FAF1: variants seen among roughly 807,000 people sequenced by gnomAD.
FAF1 encodes the protein Fas associated factor 1.
A neutral mutation model predicts 92.5 loss-of-function variants in FAF1; 25 were observed. The observed-to-expected ratio is 0.27, with a 90% confidence interval of 0.20 to 0.38. The LOEUF (loss-of-function observed/expected upper bound fraction) is 0.38. Ranked by LOEUF, FAF1 falls within the 10% of genes least tolerant of loss-of-function variation. The probability of loss-of-function intolerance (pLI) is 1.00; values close to 1 mark genes in which losing one functional copy is unlikely to be tolerated. For synonymous variants in FAF1, 234 were observed against 273.2 expected, an observed-to-expected ratio of 0.86 and a Z score of 1.42; for missense variants, 636 against 793.3, an observed-to-expected ratio of 0.80 and a Z score of 2.38.
At chr1:50,816,280 C>G (rs1159022561) in intron 2 of FAF1, among the ~76,000 whole-genome samples, 2 of 148,364 alleles carry the variant, frequency 1.3e-5, no homozygotes, top group Non-Finnish European at 3.0e-5. Context: ...TCTCGGCTCA[C>G]TGCAAGCTCC....
chr1:50,908,785 G>A lies in FAF1; in HGVS notation c.46-50788C>T, dbSNP rs574425072. On this transcript the variant is annotated intron_variant, in intron 1 of 18. Coordinates refer to ENST00000396153, the MANE Select transcript of FAF1 (RefSeq NM_007051.3). Reference sequence around the variant, plus strand: ...ATGTGTGTCTCTGCACATGAGATGGGTTTCCTGAATACAGCACACTGATGG... The same window carrying A: ...ATGTGTGTCTCTGCACATGAGATGGATTTCCTGAATACAGCACACTGATGG... 3.9e-5 allele frequency among the ~76,000 whole-genome samples: 6 copies of A among 152,072 alleles called. No individual in the cohort carries two copies. In the South Asian group the frequency reaches 1.2e-3, roughly 32 times the overall value.
At chr1:50,777,934 C>G (rs968846103) in intron 4 of FAF1, among the ~76,000 whole-genome samples, 1 of 152,124 alleles carries the variant, frequency 6.6e-6, no homozygotes, top group Non-Finnish European at 1.5e-5. Flanking sequence ...TATATCTTCA[C>G]GCTATGATTC....
chr1:50,705,041 T>G (rs1168895862), intron 7 of FAF1, among the ~76,000 whole-genome samples: 12 of 152,362 alleles, frequency 7.9e-5, no homozygotes, highest in African/African-American at 2.9e-4. Flanking sequence ...GACAAATGAC[T>G]GTTGCTTTCA....
At chr1:50,876,886 A>G (rs1170837642) in intron 1 of FAF1, among the ~76,000 whole-genome samples, 1 of 152,178 alleles carries the variant, frequency 6.6e-6, no homozygotes, top group African/African-American at 2.4e-5. Context: ...ACCCAGCCAA[A>G]AGCTAAAACA....
At chr1:50,671,842 G>A (rs966981425) in intron 7 of FAF1, among the ~76,000 whole-genome samples, 4 of 150,894 alleles carry the variant, frequency 2.7e-5, no homozygotes, top group Admixed American at 1.3e-4. Flanking sequence ...GGGTCTGGCT[G>A]TGTCACCCAG....
At chr1:50,786,671 G>T (rs902253600) in intron 4 of FAF1, among the ~76,000 whole-genome samples, 4 of 152,174 alleles carry the variant, frequency 2.6e-5, no homozygotes, top group African/African-American at 9.7e-5. Flanking sequence ...TTATCTAGAA[G>T]AATAATCTAC....
At position 50,705,818 on chromosome 1, in the gene FAF1, G is replaced by C. The variant is rs764778401; in HGVS notation, c.625C>G (p.Leu209Val). 9 of 1,611,030 alleles carry C rather than the reference G, an allele frequency of 5.6e-6. No individual in the cohort carries two copies. Among genetic ancestry groups the C allele is most frequent in the Non-Finnish European group, 7.6e-6 (9 of 1,177,538 alleles). Residue 209 changes from leucine to valine, a missense_variant, in exon 7 of 19, where the codon CTG becomes GTG. Physicochemically the swap from Leu to Val is conservative, Grantham distance 32. Around this residue, in one of 2 missense-constraint regions of FAF1, gnomAD observed 317 missense variants for 342.4 expected, o/e 0.93. Coordinates refer to ENST00000396153, the MANE Select transcript of FAF1 (RefSeq NM_007051.3). ...THREVQREYN[L>V]NFSGSSTIQE... is the part of the protein sequence containing the mutation. The stretch of plus-strand genomic sequence containing the variant: ...ATAGTACTGCTTCCTGAGAAGTTCA[G>C]GTTGTACTCCCGCTGGACTTCTCGG...
chr1:50,726,250 A>C (rs1208619499), intron 6 of FAF1, among the ~76,000 whole-genome samples: 2 of 151,642 alleles, frequency 1.3e-5, no homozygotes, highest in African/African-American at 4.8e-5. Context: ...AGCAAGACTC[A>C]ATCTCAAAAA....
At chr1:50,780,166 T>C (rs1382489190) in intron 4 of FAF1, among the ~76,000 whole-genome samples, 1 of 152,120 alleles carries the variant, frequency 6.6e-6, no homozygotes, top group Non-Finnish European at 1.5e-5. Flanking sequence ...AGTAGGTGAA[T>C]GGATATAAAA....
chr1:50,785,132 CAAAAAA>C (rs748061344), intron 4 of FAF1, among the ~76,000 whole-genome samples: 2 of 59,130 alleles, frequency 3.4e-5, no homozygotes, highest in Non-Finnish European at 6.5e-5. Flanking sequence ...GACCCTATCT[CAAAAAA>C]AAAAAAAAAA....
intron 2 of FAF1, among the ~76,000 whole-genome samples, chr1:50,831,131 A>T (rs1353135690): frequency 6.6e-6 from 1 of 151,882 alleles, no homozygotes; most frequent in African/African-American, 2.4e-5. Context: ...TAGACAAAGC[A>T]GGGATTTTTT....
intron 3 of FAF1, among the ~76,000 whole-genome samples, chr1:50,799,764 C>T (rs759214533): frequency 2.0e-5 from 3 of 152,132 alleles, no homozygotes; most frequent in Non-Finnish European, 4.4e-5. Context: ...TGCATATATT[C>T]GACTTTATTA....
intron 18 of FAF1, among the ~76,000 whole-genome samples, chr1:50,469,072 T>C (rs1016104810): frequency 6.6e-6 from 1 of 152,230 alleles, no homozygotes; most frequent in African/African-American, 2.4e-5. Flanking sequence ...AGCTGTATTA[T>C]TCTTTTAAAC....
chr1:50,798,932 T>A (rs1241675528), intron 3 of FAF1, among the ~76,000 whole-genome samples: 1 of 152,168 alleles, frequency 6.6e-6, no homozygotes, highest in African/African-American at 2.4e-5. Context: ...TAGGCTGGAG[T>A]GCAGTGGTGC....
chr1:50,444,748 C>T lies in FAF1; in HGVS notation c.1870-3225G>A, dbSNP rs1468073763. ...GTACCTTAACTAGACCTCACAACAG[C>T]TCAGTGAAATAGGTACGATTCTTTC... On this transcript the variant is annotated intron_variant, in intron 18 of 18. Transcript: ENST00000396153. Among the ~76,000 whole-genome samples, 3 of 152,164 alleles carry T rather than the reference C, an allele frequency of 2.0e-5. No homozygotes were observed. The East Asian group carries it at 5.8e-4, about 29-fold the overall frequency.
chr1:50,910,621 A>C (rs1034906896), intron 1 of FAF1, among the ~76,000 whole-genome samples: 1 of 151,790 alleles, frequency 6.6e-6, no homozygotes, highest in East Asian at 1.9e-4. Context: ...GTGGCCTTGC[A>C]GTTCGATCTC....
At chr1:50,643,909 A>AT (rs1332436043) in intron 8 of FAF1, among the ~76,000 whole-genome samples, 1 of 152,100 alleles carries the variant, frequency 6.6e-6, no homozygotes, top group African/African-American at 2.4e-5. Context: ...CCCTGCCATG[A>AT]TACTTTGTTC....
At chr1:50,901,856 C>T (rs1485195877) in intron 1 of FAF1, among the ~76,000 whole-genome samples, 1 of 152,056 alleles carries the variant, frequency 6.6e-6, no homozygotes, top group South Asian at 2.1e-4. Flanking sequence ...CAGAGTGAGA[C>T]CCTGTCTCAA....
In FAF1 at chr1:50,753,163, G is replaced by A. The variant is rs570264548; in HGVS notation, c.368-8388C>T. Among the ~76,000 whole-genome samples, 3 of 152,046 alleles carry A rather than the reference G, an allele frequency of 2.0e-5. No homozygotes were observed. The South Asian group carries it at 6.2e-4, about 32-fold the overall frequency. ...CTCAATGGTTTCCATGTGCCCCTTG[G>A]TAATTCCACCATACCATCCCCAACC... On this transcript the variant is annotated intron_variant, in intron 4 of 18. Coordinates refer to ENST00000396153, the MANE Select transcript of FAF1 (RefSeq NM_007051.3).
Sources: gnomAD v4.1 joint callset for allele counts (sites outside exome capture counted in the v4.1 genomes callset) on GRCh38, gnomAD v4.1.1 for gene constraint, gnomAD v4.1.1 regional missense constraint, MANE v1.5 for transcripts, NCBI Gene and HGNC (gene_info 2026-07-23, HGNC 2026-07-21) for gene names.